NLRP12: variants seen among roughly 807,000 people sequenced by gnomAD.
The protein encoded by NLRP12 is NLR family pyrin domain containing 12, also known as NACHT, LRR and PYD domains-containing protein 12.
Under a neutral mutation model 91.2 loss-of-function variants are expected in NLRP12, and 108 were observed. That is an observed-to-expected ratio of 1.18 (90% CI 1.01 to 1.39). The LOEUF is 1.39. Among genes scored for constraint, NLRP12 ranks in the 40% most tolerant of loss-of-function variants. NLRP12 has a pLI of 0.00. For synonymous variants in NLRP12, 613 were observed against 566.7 expected (o/e 1.08, Z -1.16); for missense variants, 1,530 against 1,352.7 (o/e 1.13, Z -2.06).
At chr19:53,819,653 A>ATATGCGTATATATGTATG (rs1166776422) in intron 1 of NLRP12, among the ~76,000 whole-genome samples, 3 of 90,562 alleles carry the variant, frequency 3.3e-5, no homozygotes, top group Admixed American at 1.1e-4. Context: ...ATACGTATAT[A>ATATGCGTATATATGTATG]TATACACATG....
Position 53,804,066 on chromosome 19 carries a change from C to A in NLRP12, c.2471G>T (p.Gly824Val), listed in dbSNP as rs1451102777. The change falls in exon 6 of 10, where the codon GGC (glycine) becomes GTC (valine). Residue 824 changes from glycine (G) to valine (V), a missense_variant. Transcript: ENST00000324134. ...GACQEMASVL[G>V]TNPHLVELDL... ...CAACTCAACCAGATGTGGGTTGGTG[C>A]CGAGCACAGAAGCCATCTCCTGACA... 4 of 1,613,918 alleles carry A rather than the reference C, an allele frequency of 2.5e-6. No individual in the cohort carries two copies. In the East Asian group the frequency reaches 6.7e-5, roughly 27 times the overall value.
chr19:53,795,276 T>C (rs944236300), intron 9 of NLRP12, among the ~76,000 whole-genome samples: 10 of 151,230 alleles, frequency 6.6e-5, no homozygotes, highest in Non-Finnish European at 8.8e-5. Context: ...AAAAAAGCAA[T>C]TGGAGTTTGA....
In NLRP12 at chr19:53,794,146, C is replaced by T. The variant is rs1325757230; in HGVS notation, c.3099-10G>A. ...GTCCATCCCAAATAACCTGTGGACA[C>T]AAGAGTTGATATTATTCCAGTGTAC... On this transcript the variant is annotated splice_polypyrimidine_tract_variant and intron_variant, in intron 9 of 9. Coordinates refer to ENST00000324134, the MANE Select transcript of NLRP12 (RefSeq NM_144687.4). 6.3e-7 allele frequency: 1 copy of T among 1,586,962 alleles called. No homozygotes were observed. Among genetic ancestry groups the T allele is most frequent in the Non-Finnish European group, 8.7e-7 (1 of 1,155,380 alleles).
chr19:53,807,567 G>GC lies in NLRP12; in HGVS notation c.2170dup (p.Ala724GlyfsTer47), dbSNP rs1300633235. 1.2e-6 allele frequency: 2 copies of GC among 1,614,118 alleles called. No homozygotes were observed. The highest frequency in any genetic ancestry group is 3.3e-5 in the Admixed American group (2 of 60,000). ...CAGCTTCACCCCCCGGCTGCCCAGG[G>GC]CATTTCGGTACAGAGACAGCTCTAT... is the stretch of plus-strand genomic sequence containing the variant. On this transcript the variant is annotated frameshift_variant, in exon 4 of 10. Coordinates refer to ENST00000324134, the MANE Select transcript of NLRP12 (RefSeq NM_144687.4). LOFTEE classifies it high-confidence loss of function.
rs1424195425 is a variant in NLRP12 at position 53,794,036 on chromosome 19, C to CAGAT, written c.*9_*12dup. The CAGAT allele has an allele frequency of 6.3e-7, 1 of 1,593,462 alleles. No individual in the cohort carries two copies. Among genetic ancestry groups the CAGAT allele is most frequent in the Non-Finnish European group, 8.6e-7 (1 of 1,161,224 alleles). ...TGTCCAGATCTCAGGGGAGAGCCAGCAGATAGGACCATTCAGCAGCCAATG... is the reference window on the plus strand; with the variant it reads ...TGTCCAGATCTCAGGGGAGAGCCAGCAGATAGATAGGACCATTCAGCAGCCAATG... On this transcript the variant is annotated 3_prime_UTR_variant, in exon 10 of 10. Coordinates refer to ENST00000324134, the MANE Select transcript of NLRP12 (RefSeq NM_144687.4).
chr19:53,813,692 C>A (rs568193382), intron 2 of NLRP12, among the ~76,000 whole-genome samples: 2 of 151,526 alleles, frequency 1.3e-5, no homozygotes. Context: ...ACCCCTCTCC[C>A]GCCTTTTTTT....
intron 1 of NLRP12, among the ~76,000 whole-genome samples, chr19:53,819,410 AATATATATATATATATATATATATATAT>A (rs754512228): frequency 2.5e-4 from 6 of 23,674 alleles, no homozygotes; most frequent in East Asian, 1.4e-3. Context: ...ACGCCTGGCT[AATATATATATATATATATATATATATAT>A]ATATATATAT....
At chr19:53,798,192 T>A (rs1237097653) in intron 8 of NLRP12, 51 bp downstream of exon 8, 1 of 1,595,022 alleles carries the variant, frequency 6.3e-7, no homozygotes, top group East Asian at 2.2e-5. Flanking sequence ...GAGAAGGCGC[T>A]TCCACTGTCC....
Position 53,810,599 on chromosome 19 carries a change from G to C in NLRP12, c.1060C>G (p.Leu354Val), listed in dbSNP as rs1435117815. 1.7e-5 allele frequency: 28 copies of C among 1,613,894 alleles called. No homozygotes were observed. The highest frequency in any genetic ancestry group is 2.4e-5 in the Non-Finnish European group (28 of 1,179,996). Residue 354 changes from leucine to valine, a missense_variant, in exon 3 of 10, where the codon CTG becomes GTG. Leu to Val is a conservative substitution (Grantham distance 32). Coordinates refer to ENST00000324134, the MANE Select transcript of NLRP12 (RefSeq NM_144687.4). ...PTALEKLHRL[L>V]EHPRHVEILG... Reference sequence around the variant, plus strand: ...ATCTCCACATGCCTGGGGTGCTCCAGCAGACGGTGGAGCTTCTCCAAAGCC... The same window carrying C: ...ATCTCCACATGCCTGGGGTGCTCCACCAGACGGTGGAGCTTCTCCAAAGCC...
At chr19:53,798,500 T>C (rs2091811945) in intron 7 of NLRP12, 87 bp from the exon 8 acceptor site, 9 of 1,365,866 alleles carry the variant, frequency 6.6e-6, no homozygotes, top group African/African-American at 1.4e-5. Context: ...CCTGTGCTGG[T>C]TGCAGACAGA....
intron 8 of NLRP12, among the ~76,000 whole-genome samples, chr19:53,796,344 CG>C (rs1448434281): frequency 1.3e-5 from 2 of 151,826 alleles, no homozygotes; most frequent in Non-Finnish European, 2.9e-5. Context: ...CTCTGCCTCC[CG>C]GGTTCAAGTG....
chr19:53,819,624 T>TATATATACAC (rs1436214653), intron 1 of NLRP12, among the ~76,000 whole-genome samples: 6 of 53,416 alleles, frequency 1.1e-4, no homozygotes, highest in East Asian at 7.2e-4. Context: ...TATACGTATA[T>TATATATACAC]ACGCGTATAT....
At chr19:53,821,640 C>T (rs2092266302) in intron 1 of NLRP12, among the ~76,000 whole-genome samples, 1 of 152,146 alleles carries the variant, frequency 6.6e-6, no homozygotes, top group Non-Finnish European at 1.5e-5. Context: ...TGCACTCCAG[C>T]CTGGGCGACA....
intron 1 of NLRP12, among the ~76,000 whole-genome samples, chr19:53,823,275 TATATA>T (rs546000214): frequency 0.012 from 1,656 of 140,664 alleles, 34 homozygotes; most frequent in African/African-American, 0.041. Flanking sequence ...TATATATATT[TATATA>T]ATATACCATA....
Position 53,807,625 on chromosome 19 carries a change from G to A in NLRP12, c.2113C>T (p.Leu705=), listed in dbSNP as rs2091982884. The part of the protein sequence containing the change: ...TVLLDAYSEH[L]AAALCTNPNL... The stretch of plus-strand genomic sequence containing the variant: ...GGATTGGTGCACAGGGCCGCTGCCA[G>A]ATGTTCACTGTAGGCGTCCAGCAGA... The change falls in exon 4 of 10, where the codon CTG becomes TTG. Residue 705 remains leucine (L), a synonymous_variant. Transcript: ENST00000324134. 1 of 1,614,162 alleles carries A rather than the reference G, an allele frequency of 6.2e-7. No individual in the cohort carries two copies. Among genetic ancestry groups the A allele is most frequent in the Non-Finnish European group, 8.5e-7 (1 of 1,180,036 alleles).
chr19:53,801,530 G>GC lies in NLRP12; in HGVS notation c.2586-134dup, dbSNP rs1323203773. 7 of 1,233,990 alleles carry GC rather than the reference G, an allele frequency of 5.7e-6. No homozygotes were observed. In the African/African-American group the frequency reaches 1.1e-4, roughly 20 times the overall value. The allele number at this position is 1,233,990 out of a possible 1,614,324, so 76.4% of individuals were successfully genotyped here. A position where few individuals can be genotyped will look rare whatever the true frequency, so the allele number is the denominator to read the frequency against. ...GCAGTGGTGCAATCTCGGCTCAGCT[G>GC]CATCCTCCACCTCCCATGTTCAAGC... On this transcript the variant is annotated intron_variant, in intron 6 of 9. Coordinates refer to ENST00000324134, the MANE Select transcript of NLRP12 (RefSeq NM_144687.4).
rs8112142 is a variant in NLRP12, at chr19:53,808,064, T to A, written c.2073-399A>T. The A allele has an allele frequency of 2.7e-3, 955 of 351,112 alleles. 7 individuals carry two copies. Among genetic ancestry groups the A allele is most frequent in the African/African-American group, 0.019 (892 of 46,518 alleles). The allele number at this position is 351,112 out of a possible 1,614,324, so 21.7% of individuals were successfully genotyped here. A position where few individuals can be genotyped will look rare whatever the true frequency, so the allele number is the denominator to read the frequency against. ...CACATCCGGCCAAAGCATGCTATCT[T>A]TTCATTTTTTTTTTTAGAGGGCCTT... On this transcript the variant is annotated intron_variant, in intron 3 of 9. Coordinates refer to ENST00000324134, the MANE Select transcript of NLRP12 (RefSeq NM_144687.4).
intron 9 of NLRP12, among the ~76,000 whole-genome samples, chr19:53,795,358 G>T (rs1170612456): frequency 6.8e-6 from 1 of 147,754 alleles, no homozygotes; most frequent in Non-Finnish European, 1.5e-5. Flanking sequence ...AGCCACGATG[G>T]TCCCCTTCAA....
rs184803017 is a variant in NLRP12 at position 53,816,907 on chromosome 19, A to C, written c.290-1919T>G. On this transcript the variant is annotated intron_variant, in intron 1 of 9. Transcript: ENST00000324134. ...AAAGGGGAAAATAGGGAATTGTTTA[A>C]TGGGTATCGAGTTTGTTTTGCAAGA... Among the ~76,000 whole-genome samples, 21 of 152,120 alleles carry C rather than the reference A, an allele frequency of 1.4e-4. No homozygotes were observed. The East Asian group carries it at 3.5e-3, about 25-fold the overall frequency.
Sources: allele counts gnomAD v4.1 joint callset (sites outside exome capture counted in the v4.1 genomes callset), GRCh38; gene constraint gnomAD v4.1.1; transcripts MANE v1.5; gene names NCBI Gene and HGNC (gene_info 2026-07-23, HGNC 2026-07-21).